PMF1: variants seen among roughly 807,000 people sequenced by gnomAD.
PMF1 encodes polyamine modulated factor 1, also known as polyamine-modulated factor 1.
PMF1 carries 21 observed loss-of-function variants against 26.7 expected under a neutral mutation model. The ratio of observed to expected loss-of-function variants is 0.79; its 90% confidence interval spans 0.56 to 1.13. The LOEUF is 1.13. Ranked by LOEUF, PMF1 falls within the 50% of genes most tolerant of loss-of-function variation. The pLI, the probability that PMF1 is intolerant of heterozygous loss-of-function variation, is 0.00. For synonymous variants in PMF1, 105 were observed against 101.0 expected, an observed-to-expected ratio of 1.04 and a Z score of -0.24; for missense variants, 266 against 254.9, an observed-to-expected ratio of 1.04 and a Z score of -0.30.
chr1:156,232,440 G>T lies in PMF1; in HGVS notation c.267+15G>T, dbSNP rs762740064. On this transcript the variant is annotated intron_variant, in intron 2 of 4. Transcript: ENST00000368277. ...CATCTATCCGGGTGAGTGGCGGGAA[G>T]CCTGGCAGGTGCTGTTGACTTGGGT... The T allele has an allele frequency of 3.7e-6, 6 of 1,612,784 alleles. No homozygotes were observed. In the Admixed American group the frequency reaches 8.3e-5, roughly 22 times the overall value.
intron 3 of PMF1, among the ~76,000 whole-genome samples, chr1:156,234,363 G>C (rs894753954): frequency 6.6e-6 from 1 of 152,180 alleles, no homozygotes; most frequent in Non-Finnish European, 1.5e-5. Context: ...AGGGTGGGTG[G>C]GGGGAGTGGG....
intron 2 of PMF1, among the ~76,000 whole-genome samples, chr1:156,233,024 ATCC>A (rs146192385): frequency 6.0e-5 from 9 of 151,232 alleles, no homozygotes; most frequent in African/African-American, 1.9e-4. Context: ...GGCTGAAGCA[ATCC>A]TCCTACCTCA....
chr1:156,227,071 A>G (rs999855336), intron 1 of PMF1, among the ~76,000 whole-genome samples: 4 of 152,216 alleles, frequency 2.6e-5, no homozygotes, highest in African/African-American at 7.2e-5. Flanking sequence ...AGCGTCTTAC[A>G]TGCTGCTGTG....
At position 156,214,884 on chromosome 1, in the gene PMF1, A is replaced by ATTT. The variant is rs1307641968; in HGVS notation, c.161+1718_161+1720dup. ...GATTATTATTATTATTATTATTATT[A>ATTT]TTTTTTTTTTTTAGGCAGTGTCTAG... On this transcript the variant is annotated intron_variant, in intron 1 of 4. Coordinates refer to ENST00000368277, the MANE Select transcript of PMF1 (RefSeq NM_007221.4). Among the ~76,000 whole-genome samples the ATTT allele has an allele frequency of 1.5e-3, 207 of 138,204 alleles. 1 individual carries two copies. Among genetic ancestry groups the ATTT allele is most frequent in the East Asian group, 2.3e-3 (11 of 4,842 alleles). The allele number at this position is 138,204 out of a possible 152,430, so 90.7% of individuals were successfully genotyped here. A position where few individuals can be genotyped will look rare whatever the true frequency, so the allele number is the denominator to read the frequency against.
intron 1 of PMF1, among the ~76,000 whole-genome samples, chr1:156,217,585 G>A (rs1657840296): frequency 6.6e-6 from 1 of 152,046 alleles, no homozygotes. Flanking sequence ...AATTAACCGG[G>A]TGTCATAATG....
At chr1:156,225,877 TG>T (rs1207191760) in intron 1 of PMF1, among the ~76,000 whole-genome samples, 17 of 152,166 alleles carry the variant, frequency 1.1e-4, no homozygotes, top group Non-Finnish European at 2.2e-4. Flanking sequence ...TTTTTTGAGG[TG>T]AAGTCTCACT....
At chr1:156,214,064 A>G (rs1657550359) in intron 1 of PMF1, among the ~76,000 whole-genome samples, 1 of 152,078 alleles carries the variant, frequency 6.6e-6, no homozygotes, top group South Asian at 2.1e-4. Flanking sequence ...GGTGCACACT[A>G]CCACACCCGG....
Position 156,232,314 on chromosome 1 carries a change from C to T in PMF1, c.162-6C>T, listed in dbSNP as rs763642628. The T allele has an allele frequency of 2.5e-5, 40 of 1,613,586 alleles. No homozygotes were observed. The East Asian group carries it at 3.3e-4, about 13-fold the overall frequency. ...TCCCCACCTTTGCTTCTCTCCTTCC[C>T]GCCAGCTACCAGAGATTCACTGACT... On this transcript the variant is annotated splice_region_variant and splice_polypyrimidine_tract_variant and intron_variant, in intron 1 of 4. Coordinates refer to ENST00000368277, the MANE Select transcript of PMF1 (RefSeq NM_007221.4).
rs1233377219 is a variant in PMF1 at position 156,236,448 on chromosome 1, C to T, written c.529C>T (p.Gln177Ter). Residue 177 changes from glutamine to a stop codon, truncating the protein, a stop_gained, in exon 4 of 5, where the codon CAG becomes TAG. Coordinates refer to ENST00000368277, the MANE Select transcript of PMF1 (RefSeq NM_007221.4). LOFTEE classifies it high-confidence loss of function. ...AGGGCGGAGGCAGGTGGAGGAGCTG[C>T]AGCTACAGGTCCAGGCCCAGCAGCA... ...LAGRRQVEELQLQVQAQQQAW... is the reference protein window; with the variant it reads ...LAGRRQVEEL The T allele has an allele frequency of 1.2e-6, 2 of 1,613,600 alleles. No individual in the cohort carries two copies. The highest frequency in any genetic ancestry group is 1.3e-5 in the African/African-American group (1 of 74,936).
At chr1:156,239,479 G>T in intron 4 of PMF1, 69 bp from the exon 5 acceptor site, 1 of 1,292,892 alleles carries the variant, frequency 7.7e-7, no homozygotes, top group South Asian at 1.2e-5. Context: ...CTGGAGTCAG[G>T]GACAGTGGAG....
chr1:156,228,525 C>T (rs1658517476), intron 1 of PMF1, among the ~76,000 whole-genome samples: 1 of 151,938 alleles, frequency 6.6e-6, no homozygotes, highest in African/African-American at 2.4e-5. Flanking sequence ...CCTTCACTTT[C>T]ACTGAATTAT....
chr1:156,234,653 C>T (rs551977467), intron 3 of PMF1, among the ~76,000 whole-genome samples: 1 of 151,900 alleles, frequency 6.6e-6, no homozygotes, highest in Admixed American at 6.6e-5. Flanking sequence ...GAATTACAGG[C>T]CCCCACTACC....
At chr1:156,219,440 T>C (rs2103083081) in intron 1 of PMF1, among the ~76,000 whole-genome samples, 1 of 152,288 alleles carries the variant, frequency 6.6e-6, no homozygotes, top group East Asian at 1.9e-4. Flanking sequence ...TGGAGCCCCC[T>C]TACCAATGGC....
intron 3 of PMF1, among the ~76,000 whole-genome samples, chr1:156,234,938 T>C (rs970236020): frequency 6.6e-6 from 1 of 152,060 alleles, no homozygotes; most frequent in Non-Finnish European, 1.5e-5. Flanking sequence ...AAGTGGGGCC[T>C]GGGATGAGCC....
In PMF1 at chr1:156,213,097, C is replaced by A. The variant is rs757941220; in HGVS notation, c.82C>A (p.Pro28Thr). Residue 28 changes from proline (P) to threonine (T), a missense_variant, in exon 1 of 5, where the codon CCC (proline) becomes ACC (threonine). By Grantham distance (38) the Pro-to-Thr change is conservative. Coordinates refer to ENST00000368277, the MANE Select transcript of PMF1 (RefSeq NM_007221.4). ...HEGSSSESVP[P>T]GTTISRVKLL... ...GGGGTCGTCTTCGGAATCTGTGCCA[C>A]CCGGCACTACCATTTCGAGGGTGAA... 2.5e-6 allele frequency: 4 copies of A among 1,614,124 alleles called. No individual in the cohort carries two copies. In the African/African-American group the frequency reaches 5.3e-5, roughly 22 times the overall value.
intron 1 of PMF1, among the ~76,000 whole-genome samples, chr1:156,225,377 C>T (rs143092993): frequency 1.2e-4 from 18 of 146,424 alleles, no homozygotes; most frequent in African/African-American, 4.1e-4. Context: ...CGGTGATTTC[C>T]GAGATTTTGG....
At chr1:156,235,900 C>T (rs922890387) in intron 3 of PMF1, among the ~76,000 whole-genome samples, 3 of 152,198 alleles carry the variant, frequency 2.0e-5, no homozygotes, top group Admixed American at 2.0e-4. Context: ...CTCTCAAGCT[C>T]ACAGTCTGGT....
intron 1 of PMF1, among the ~76,000 whole-genome samples, chr1:156,220,266 C>T (rs1469063448): frequency 1.3e-5 from 2 of 151,910 alleles, no homozygotes; most frequent in Non-Finnish European, 2.9e-5. Flanking sequence ...GCCCGGCCTG[C>T]CCATGCTGGT....
chr1:156,214,549 G>A (rs182425188), intron 1 of PMF1, among the ~76,000 whole-genome samples: 2 of 152,250 alleles, frequency 1.3e-5, no homozygotes, highest in Admixed American at 1.3e-4. Flanking sequence ...GCGTAGAGAC[G>A]CCAACAACAT....
Sources: gnomAD v4.1 joint callset for allele counts (sites outside exome capture counted in the v4.1 genomes callset) on GRCh38, gnomAD v4.1.1 for gene constraint, MANE v1.5 for transcripts, NCBI Gene and HGNC (gene_info 2026-07-23, HGNC 2026-07-21) for gene names.